RBM34: variants seen among roughly 807,000 people sequenced by gnomAD.
The protein encoded by RBM34 is RNA binding motif protein 34.
RBM34 carries 39 observed loss-of-function variants against 44.6 expected under a neutral mutation model. That is an observed-to-expected ratio of 0.87 (90% CI 0.68 to 1.14). The LOEUF (loss-of-function observed/expected upper bound fraction) is 1.14. RBM34 is among the 50% of genes most tolerant of loss of function. The pLI, the probability that RBM34 is intolerant of heterozygous loss-of-function variation, is 0.00. For missense variants in RBM34, 572 were observed against 517.9 expected (o/e 1.10, Z -1.01); for synonymous variants, 194 against 184.0 (o/e 1.05, Z -0.44).
At chr1:235,157,591 G>C (rs1285374892) in intron 3 of RBM34, among the ~76,000 whole-genome samples, 1 of 151,980 alleles carries the variant, frequency 6.6e-6, no homozygotes, top group East Asian at 1.9e-4. Flanking sequence ...GTGGGCACAA[G>C]AGATACTGCC....
Position 235,131,785 on chromosome 1 carries a change from A to T in RBM34, c.1221T>A (p.Ala407=), listed in dbSNP as rs2102819386. 1 of 1,613,960 alleles carries T rather than the reference A, an allele frequency of 6.2e-7. No individual in the cohort carries two copies. The highest frequency in any genetic ancestry group is 2.2e-5 in the East Asian group (1 of 44,878). The part of the protein sequence containing the change: ...HPKSLFIGEK[A]VLLKTKKKGQ... ...CTTTCTTCTTCGTTTTAAGGAGAAC[A>T]GCTTTTTCTCCAATAAATAAGCTTT... The change falls in exon 11 of 11, where the codon GCT becomes GCA. Residue 407 remains alanine, a synonymous_variant. Transcript: ENST00000408888.
intron 3 of RBM34, among the ~76,000 whole-genome samples, chr1:235,156,873 A>G (rs185660554): frequency 7.4e-4 from 113 of 152,360 alleles, no homozygotes; most frequent in Non-Finnish European, 1.2e-3. Context: ...GGTAACAGCT[A>G]TAATACATGG....
chr1:235,161,031 C>G lies in RBM34; in HGVS notation c.90G>C (p.Pro30=). ...CGACCTGTCCAAGCCTGTAGTCTTC[C>G]GGCGGACTCCCGCGAACGCCGTCGT... is the stretch of plus-strand genomic sequence containing the variant. ...NPDDGVRGSP[P]EDYRLGQVAS... Residue 30 remains proline (P), a synonymous_variant, in exon 2 of 11, where the codon CCG becomes CCC. Coordinates refer to ENST00000408888, the MANE Select transcript of RBM34 (RefSeq NM_015014.4). 1 of 1,613,968 alleles carries G rather than the reference C, an allele frequency of 6.2e-7. No individual in the cohort carries two copies. The highest frequency in any genetic ancestry group is 1.3e-5 in the African/African-American group (1 of 75,014).
rs771759839 is a variant in RBM34 at position 235,152,761 on chromosome 1, A to T, written c.602T>A (p.Leu201Gln). 1.3e-6 allele frequency: 2 copies of T among 1,575,770 alleles called. No homozygotes were observed. Reference sequence around the variant, plus strand: ...TCCATACTCTTTAAAAAACGACTTCAGCTTCTAAAATTAAAAAAAAAAATA... The same window carrying T: ...TCCATACTCTTTAAAAAACGACTTCTGCTTCTAAAATTAAAAAAAAAAATA... ...NLPVTCNKKK[L>Q]KSFFKEYGQI... The change falls in exon 5 of 11, where the codon CTG becomes CAG. Residue 201 changes from leucine (L) to glutamine (Q), a missense_variant. Leu to Gln is a moderately radical substitution (Grantham distance 113). Transcript: ENST00000408888.
chr1:235,140,464 T>C (rs1572148360), intron 6 of RBM34, among the ~76,000 whole-genome samples: 3 of 152,090 alleles, frequency 2.0e-5, no homozygotes, highest in African/African-American at 7.2e-5. Context: ...ATGTACTGGG[T>C]CCCCCAGCAG....
In RBM34 at chr1:235,152,885, T is replaced by TC. The variant is rs1488269696; in HGVS notation, c.598-121_598-120insG. The TC allele has an allele frequency of 7.5e-6, 6 of 795,666 alleles. No individual in the cohort carries two copies. In the African/African-American group the frequency reaches 1.1e-4, roughly 14 times the overall value. The allele number at this position is 795,666 out of a possible 1,614,324, so 49.3% of individuals were successfully genotyped here. ...TACTGCCAGGCTTTTTTTTTTTTTTTTGAGACAGAGTCTTGCACTTTCGCC... is the reference window on the plus strand; with the variant it reads ...TACTGCCAGGCTTTTTTTTTTTTTTTCTGAGACAGAGTCTTGCACTTTCGCC... On this transcript the variant is annotated intron_variant, in intron 4 of 10. Transcript: ENST00000408888.
At chr1:235,154,257 A>AAG (rs199539335) in intron 4 of RBM34, among the ~76,000 whole-genome samples, 3 of 148,404 alleles carry the variant, frequency 2.0e-5, no homozygotes, top group African/African-American at 5.0e-5. Context: ...AAAAAAAAAA[A>AAG]AGAGAGAGAG....
intron 8 of RBM34, 75 bp from the exon 9 acceptor site, chr1:235,136,148 C>A: frequency 8.2e-7 from 1 of 1,223,332 alleles, no homozygotes; most frequent in South Asian, 1.3e-5. Context: ...CCTCCCTATC[C>A]CTCCTTCCCC....
intron 6 of RBM34, among the ~76,000 whole-genome samples, chr1:235,145,825 G>C: frequency 6.6e-6 from 1 of 152,134 alleles, no homozygotes; most frequent in East Asian, 1.9e-4. Context: ...CTTGCTTGTC[G>C]CTCAGGCTAC....
intron 6 of RBM34, among the ~76,000 whole-genome samples, chr1:235,144,868 A>G (rs1286071945): frequency 6.6e-6 from 1 of 152,166 alleles, no homozygotes; most frequent in Admixed American, 6.6e-5. Context: ...AACATGGGGA[A>G]ACCCCGTCTC....
At chr1:235,158,084 T>C (rs1662527569) in intron 3 of RBM34, among the ~76,000 whole-genome samples, 1 of 151,900 alleles carries the variant, frequency 6.6e-6, no homozygotes, top group Non-Finnish European at 1.5e-5. Context: ...ATGTCCTTTT[T>C]AAAGATTAGA....
Position 235,131,702 on chromosome 1 carries a change from G to A in RBM34, c.*11C>T. On this transcript the variant is annotated 3_prime_UTR_variant, in exon 11 of 11. Coordinates refer to ENST00000408888, the MANE Select transcript of RBM34 (RefSeq NM_015014.4). ...GTACTCAGCAGGAAAAGAAAAAGCA[G>A]TTCCTGGTTGTTATTTCTGTTTTCT... 1 of 1,579,632 alleles carries A rather than the reference G, an allele frequency of 6.3e-7. No homozygotes were observed. Among genetic ancestry groups the A allele is most frequent in the Non-Finnish European group, 8.6e-7 (1 of 1,167,308 alleles).
At chr1:235,158,063 G>A (rs912432913) in intron 3 of RBM34, among the ~76,000 whole-genome samples, 1 of 146,714 alleles carries the variant, frequency 6.8e-6, no homozygotes, top group Admixed American at 6.7e-5. Flanking sequence ...TTTTTTTGGC[G>A]GTTAGGGGGA....
chr1:235,156,520 T>C, intron 3 of RBM34: 1 of 391,686 alleles, frequency 2.6e-6, no homozygotes, highest in Non-Finnish European at 5.1e-6. Context: ...ACTTACTCTG[T>C]ACAAGCAATA....
rs1184312990 is a variant in RBM34 at position 235,159,547 on chromosome 1, C to CA, written c.365+963dup. On this transcript the variant is annotated intron_variant, in intron 3 of 10. Transcript: ENST00000408888. ...TTGGCGACAGAGTGAGACTCCAGCT[C>CA]AAAAAAAAAAAAAAAAATTTTTTTT... Among the ~76,000 whole-genome samples the CA allele has an allele frequency of 1.0e-2, 895 of 89,640 alleles. 4 individuals are homozygous for CA. The highest frequency in any genetic ancestry group is 0.014 in the African/African-American group (334 of 24,738). The allele number at this position is 89,640 out of a possible 152,430, so 58.8% of individuals were successfully genotyped here.
At position 235,152,730 on chromosome 1, in the gene RBM34, T is replaced by C; in HGVS notation, c.633A>G (p.Ile211Met). 1 of 1,601,562 alleles carries C rather than the reference T, an allele frequency of 6.2e-7. No homozygotes were observed. Among genetic ancestry groups the C allele is most frequent in the Non-Finnish European group, 8.5e-7 (1 of 1,173,870 alleles). The change falls in exon 5 of 11, where the codon ATA becomes ATG. Residue 211 changes from isoleucine to methionine, a missense_variant. Transcript: ENST00000408888. Reference sequence around the variant, plus strand: ...CCAGAGAACGAAATCGTACAGATTCTATTTGTCCATACTCTTTAAAAAACG... The same window carrying C: ...CCAGAGAACGAAATCGTACAGATTCCATTTGTCCATACTCTTTAAAAAACG... ...LKSFFKEYGQ[I>M]ESVRFRSLIP...
chr1:235,136,046 TC>T lies in RBM34; in HGVS notation c.876del (p.Asn293IlefsTer24). The T allele has an allele frequency of 1.3e-6, 2 of 1,593,618 alleles. No individual in the cohort carries two copies. The highest frequency in any genetic ancestry group is 1.7e-6 in the Non-Finnish European group (2 of 1,164,014). ...SSRDKRSVFVGNLPYKVEESA... is the reference protein window; with the variant it reads ...SSRDKRSVFVXNLPYKVEESA... ...TAAACAAACTTACTATAAGGGAGATTCCCCACAAAAACCGATCTCTTGTCTC... is the reference window on the plus strand; with the variant it reads ...TAAACAAACTTACTATAAGGGAGATTCCCACAAAAACCGATCTCTTGTCTC... On this transcript the variant is annotated frameshift_variant, in exon 9 of 11. Transcript: ENST00000408888. LOFTEE classifies it high-confidence loss of function.
At position 235,160,963 on chromosome 1, in the gene RBM34, G is replaced by A. The variant is rs767397743; in HGVS notation, c.158C>T (p.Thr53Ile). Residue 53 changes from threonine to isoleucine, a missense_variant, in exon 2 of 11, where the codon ACC becomes ATC. Transcript: ENST00000408888. ...ACTGAAGAGGGACGCCAGCCGACCG[G>A]TGCCACCTCTGGAATGGTGTTCGCC... Reference protein sequence around the residue: ...FRGEHHSRGGTGRLASLFSSL... With the variant: ...FRGEHHSRGGIGRLASLFSSL... 1.5e-5 allele frequency: 25 copies of A among 1,614,016 alleles called. No homozygotes were observed. Among genetic ancestry groups the A allele is most frequent in the Non-Finnish European group, 2.0e-5 (24 of 1,180,044 alleles).
Position 235,132,013 on chromosome 1 carries a change from C to T in RBM34, c.1009-16G>A. 6.4e-7 allele frequency: 1 copy of T among 1,561,190 alleles called. No individual in the cohort carries two copies. The stretch of plus-strand genomic sequence containing the variant: ...AATCTGTATTCTGCAAAAGAAAACA[C>T]AATACATTAATTGCTACCAGAAACC... On this transcript the variant is annotated splice_polypyrimidine_tract_variant and intron_variant, in intron 10 of 10. Coordinates refer to ENST00000408888, the MANE Select transcript of RBM34 (RefSeq NM_015014.4).
Sources: gnomAD v4.1 joint callset for allele counts (sites outside exome capture counted in the v4.1 genomes callset) on GRCh38, gnomAD v4.1.1 for gene constraint, MANE v1.5 for transcripts, NCBI Gene and HGNC (gene_info 2026-07-23, HGNC 2026-07-21) for gene names.